SAMD12: variants seen among roughly 807,000 people sequenced by gnomAD.
The protein encoded by SAMD12 is sterile alpha motif domain containing 12, also known as sterile alpha motif domain-containing protein 12.
Under a neutral mutation model 15.0 loss-of-function variants are expected in SAMD12, and 9 were observed. The ratio of observed to expected loss-of-function variants is 0.60; its 90% confidence interval spans 0.36 to 1.05. SAMD12 has a LOEUF of 1.05. SAMD12 is among the 50% of genes least tolerant of loss of function. The pLI is 0.01. For missense variants in SAMD12, 230 were observed against 234.2 expected, an observed-to-expected ratio of 0.98 and a Z score of 0.12; for synonymous variants, 86 against 90.1, an observed-to-expected ratio of 0.96 and a Z score of 0.25.
At chr8:118,615,424 G>C (rs541858069) in intron 1 of SAMD12, among the ~76,000 whole-genome samples, 1 of 152,204 alleles carries the variant, frequency 6.6e-6, no homozygotes, top group Admixed American at 6.5e-5. Context: ...ACTGGCAGGG[G>C]TCAGAGTGGG....
At chr8:118,562,270 G>A (rs1269640216) in intron 2 of SAMD12, among the ~76,000 whole-genome samples, 3 of 152,224 alleles carry the variant, frequency 2.0e-5, no homozygotes, top group African/African-American at 7.2e-5. Flanking sequence ...AAGTGAAGGA[G>A]GAGGACTCAG....
the SAMD12 span, among the ~76,000 whole-genome samples, chr8:118,169,408 C>T: frequency 6.6e-6 from 1 of 152,026 alleles, no homozygotes; most frequent in Non-Finnish European, 1.5e-5. Context: ...GAATGATACA[C>T]TTTCTTTTTA....
chr8:118,561,030 T>C (rs1290457418), intron 2 of SAMD12, among the ~76,000 whole-genome samples: 1 of 152,214 alleles, frequency 6.6e-6, no homozygotes, highest in Non-Finnish European at 1.5e-5. Flanking sequence ...ATTTTTGTTA[T>C]TATTCTAAAA....
chr8:118,311,121 G>T (rs1815609858), intron 4 of SAMD12, among the ~76,000 whole-genome samples: 1 of 152,178 alleles, frequency 6.6e-6, no homozygotes, highest in Admixed American at 6.5e-5. Context: ...TTAGCAAACT[G>T]CTCAAAGCAT....
Position 118,246,577 on chromosome 8 carries a change from A to C in SAMD12, c.434-48845T>G, listed in dbSNP as rs1252254646. Among the ~76,000 whole-genome samples, 3 of 152,184 alleles carry C rather than the reference A, an allele frequency of 2.0e-5. No homozygotes were observed. In the East Asian group the frequency reaches 5.8e-4, roughly 29 times the overall value. On this transcript the variant is annotated intron_variant, in intron 4 of 4. Coordinates refer to the SAMD12 transcript ENST00000409003. ...GCATTATCTCTTTTCACTTATGTGT[A>C]CTCATATATTCCAGTTTGAGTTGGA...
At chr8:118,379,798 T>C in intron 3 of SAMD12, 98 bp from the exon 4 acceptor site, 1 of 1,447,782 alleles carries the variant, frequency 6.9e-7, no homozygotes, top group Non-Finnish European at 9.3e-7. Flanking sequence ...CACAGAAGTT[T>C]CTACCTAAAC....
chr8:118,519,223 T>C (rs533417003), intron 2 of SAMD12, among the ~76,000 whole-genome samples: 2 of 152,336 alleles, frequency 1.3e-5, no homozygotes, highest in South Asian at 2.1e-4. Context: ...TCTCTACAAA[T>C]GCCTAAGTTA....
chr8:118,420,311 G>T (rs1264357806), intron 3 of SAMD12, among the ~76,000 whole-genome samples: 1 of 152,122 alleles, frequency 6.6e-6, no homozygotes, highest in Non-Finnish European at 1.5e-5. Context: ...ATATATAGGA[G>T]GGTAGGAGGT....
chr8:118,262,744 A>G (rs1484908763), intron 4 of SAMD12, among the ~76,000 whole-genome samples: 1 of 152,044 alleles, frequency 6.6e-6, no homozygotes, highest in Non-Finnish European at 1.5e-5. Context: ...CTTCTGTGGA[A>G]TACTCAGGAG....
At chr8:118,236,895 C>T (rs970631073) in intron 4 of SAMD12, among the ~76,000 whole-genome samples, 3 of 152,176 alleles carry the variant, frequency 2.0e-5, no homozygotes, top group South Asian at 2.1e-4. Flanking sequence ...TCTACCTTCT[C>T]GTTTTCTAAT....
intron 2 of SAMD12, among the ~76,000 whole-genome samples, chr8:118,552,204 G>C (rs1441228256): frequency 6.6e-6 from 1 of 152,086 alleles, no homozygotes; most frequent in African/African-American, 2.4e-5. Context: ...TGATACCAAA[G>C]CCGGGCAGAG....
At chr8:118,211,237 C>G (rs1586346917) in intron 4 of SAMD12, among the ~76,000 whole-genome samples, 1 of 152,306 alleles carries the variant, frequency 6.6e-6, no homozygotes, top group African/African-American at 2.4e-5. Context: ...CCCAAATCAT[C>G]AGCATAGTCT....
chr8:118,391,086 T>A (rs1820250718), intron 3 of SAMD12, among the ~76,000 whole-genome samples: 1 of 152,176 alleles, frequency 6.6e-6, no homozygotes, highest in South Asian at 2.1e-4. Flanking sequence ...AGGTTAAATA[T>A]TCTACAGCGT....
At chr8:118,585,146 A>G (rs1207444300) in intron 1 of SAMD12, among the ~76,000 whole-genome samples, 2 of 152,220 alleles carry the variant, frequency 1.3e-5, no homozygotes, top group Non-Finnish European at 2.9e-5. Flanking sequence ...TCCATACTAC[A>G]ACATGCATGA....
At chr8:118,483,934 C>CT (rs1824203178) in intron 2 of SAMD12, among the ~76,000 whole-genome samples, 1 of 152,320 alleles carries the variant, frequency 6.6e-6, no homozygotes, top group African/African-American at 2.4e-5. Flanking sequence ...AGCGCCAACT[C>CT]TATGTTAAGT....
Position 118,299,627 on chromosome 8 carries a change from A to C in SAMD12, c.433+79933T>G, listed in dbSNP as rs549230670. ...GAGGAAAAGTACCTTGGTCTTATCC[A>C]ACATGGAGAAAAGATGTGAGTAGAA... On this transcript the variant is annotated intron_variant, in intron 4 of 4. Transcript: ENST00000409003. 2.0e-5 allele frequency among the ~76,000 whole-genome samples: 3 copies of C among 152,322 alleles called. No individual in the cohort carries two copies. The East Asian group carries it at 5.8e-4, about 29-fold the overall frequency.
chr8:118,521,740 C>T (rs1169503484), intron 2 of SAMD12, among the ~76,000 whole-genome samples: 2 of 152,096 alleles, frequency 1.3e-5, no homozygotes, highest in East Asian at 3.9e-4. Flanking sequence ...AGTGATAAGG[C>T]CTATGATTTA....
chr8:118,472,697 A>C (rs1823835856), intron 2 of SAMD12, among the ~76,000 whole-genome samples: 1 of 152,110 alleles, frequency 6.6e-6, no homozygotes, highest in Non-Finnish European at 1.5e-5. Context: ...AAAAAATTAA[A>C]AAGGAAGAAG....
chr8:118,588,920 T>C (rs141327669), intron 1 of SAMD12, among the ~76,000 whole-genome samples: 374 of 152,292 alleles, frequency 2.5e-3, no homozygotes, highest in Admixed American at 4.3e-3. Context: ...TTCTCCTTGG[T>C]CAGCTAAATG....
Sources: allele counts gnomAD v4.1 joint callset (sites outside exome capture counted in the v4.1 genomes callset), GRCh38; gene constraint gnomAD v4.1.1; transcripts MANE v1.5; gene names NCBI Gene and HGNC (gene_info 2026-07-23, HGNC 2026-07-21).